Variants in SPECC1 observed in about 807,000 individuals in gnomAD.
SPECC1 encodes cytospin-B.
In SPECC1, 62 loss-of-function variants were observed where a neutral mutation model predicts 104.1. The observed-to-expected ratio is 0.60, with a 90% CI of 0.49 to 0.74. SPECC1 has a LOEUF of 0.74. SPECC1 is among the 30% of genes least tolerant of loss of function. The pLI is 0.00. For synonymous variants in SPECC1, 513 were observed against 501.6 expected, an observed-to-expected ratio of 1.02 and a Z score of -0.30; for missense variants, 1,306 against 1,310.5, an observed-to-expected ratio of 1.00 and a Z score of 0.05.
intron 1 of SPECC1, among the ~76,000 whole-genome samples, chr17:20,093,508 A>G (rs1224279933): frequency 6.6e-6 from 1 of 152,166 alleles, no homozygotes; most frequent in African/African-American, 2.4e-5. Flanking sequence ...CTCTCAGCTC[A>G]TGACAGCATT....
At chr17:20,041,481 A>T (rs1349345757) in intron 1 of SPECC1, among the ~76,000 whole-genome samples, 1 of 151,960 alleles carries the variant, frequency 6.6e-6, no homozygotes, top group Non-Finnish European at 1.5e-5. Context: ...ACCTCAGGTG[A>T]TCCGCCTGCC....
At chr17:20,014,618 T>C (rs564765896) in intron 1 of SPECC1, among the ~76,000 whole-genome samples, 4 of 152,238 alleles carry the variant, frequency 2.6e-5, no homozygotes, top group Non-Finnish European at 5.9e-5. Context: ...TTTGGAGATA[T>C]TGCTTTATCT....
At chr17:20,110,587 T>C in intron 3 of SPECC1, 25 bp downstream of exon 3, 1 of 1,598,558 alleles carries the variant, frequency 6.3e-7, no homozygotes, top group Non-Finnish European at 8.5e-7. Context: ...GCAGGTGGGC[T>C]CGGCAGGCCA....
intron 3 of SPECC1, among the ~76,000 whole-genome samples, chr17:20,136,004 A>T (rs1011206983): frequency 6.6e-6 from 1 of 152,158 alleles, no homozygotes; most frequent in Non-Finnish European, 1.5e-5. Flanking sequence ...GGGAGTGGAA[A>T]AATCACTGAG....
chr17:20,172,390 G>A (rs1277116893), intron 3 of SPECC1, among the ~76,000 whole-genome samples: 1 of 152,184 alleles, frequency 6.6e-6, no homozygotes, highest in Non-Finnish European at 1.5e-5. Flanking sequence ...GCCCCAATTT[G>A]GAAGATAAAA....
chr17:20,202,555 A>C (rs1324355054), intron 3 of SPECC1, among the ~76,000 whole-genome samples: 1 of 152,220 alleles, frequency 6.6e-6, no homozygotes, highest in Non-Finnish European at 1.5e-5. Flanking sequence ...TATGGTATTG[A>C]TAAATACAGT....
chr17:20,243,270 C>G (rs575613624), intron 7 of SPECC1, among the ~76,000 whole-genome samples: 8 of 152,246 alleles, frequency 5.3e-5, no homozygotes, highest in African/African-American at 1.7e-4. Flanking sequence ...TGCAGTTTTT[C>G]TTTTATTTAA....
At chr17:20,308,910 T>C (rs185931157) in intron 14 of SPECC1, among the ~76,000 whole-genome samples, 243 of 152,348 alleles carry the variant, frequency 1.6e-3, no homozygotes, top group Middle Eastern at 6.8e-3. Flanking sequence ...TACATTTTTC[T>C]TTGTAGTGTT....
intron 3 of SPECC1, among the ~76,000 whole-genome samples, chr17:20,120,322 G>T (rs2048966466): frequency 6.6e-6 from 1 of 152,084 alleles, no homozygotes; most frequent in South Asian, 2.1e-4. Context: ...GGAGGTGGAG[G>T]CTGCAGTGAG....
At chr17:20,239,219 T>C in intron 7 of SPECC1, 2 of 1,017,724 alleles carry the variant, frequency 2.0e-6, no homozygotes, top group Non-Finnish European at 2.4e-6. Context: ...GATGATTTAA[T>C]GTATTGGATT....
intron 1 of SPECC1, among the ~76,000 whole-genome samples, chr17:20,011,656 CTTAAT>C (rs2043948322): frequency 6.6e-6 from 1 of 151,790 alleles, no homozygotes; most frequent in African/African-American, 2.4e-5. Flanking sequence ...TATCTTTCTA[CTTAAT>C]TTGAGTTTAT....
intron 3 of SPECC1, among the ~76,000 whole-genome samples, chr17:20,145,263 G>A (rs1003467840): frequency 6.6e-5 from 10 of 152,086 alleles, no homozygotes; most frequent in African/African-American, 1.9e-4. Flanking sequence ...CCTGAACCTC[G>A]GTCTCTTGCT....
intron 4 of SPECC1, among the ~76,000 whole-genome samples, chr17:20,220,467 G>C (rs1004218275): frequency 6.6e-6 from 1 of 151,478 alleles, no homozygotes; most frequent in Non-Finnish European, 1.5e-5. Context: ...TCCTTTTTCA[G>C]ATTGTTCACT....
chr17:20,201,137 T>A (rs930007116), intron 3 of SPECC1, among the ~76,000 whole-genome samples: 33 of 151,950 alleles, frequency 2.2e-4, no homozygotes, highest in Non-Finnish European at 4.7e-4. Context: ...TTTTTCCAGC[T>A]TCAAAACCAA....
At chr17:20,217,273 G>T (rs1372825609) in intron 4 of SPECC1, among the ~76,000 whole-genome samples, 4 of 147,642 alleles carry the variant, frequency 2.7e-5, no homozygotes, top group Admixed American at 2.0e-4. Flanking sequence ...TTGTGTGTGT[G>T]TGTGTGTGTT....
At chr17:20,197,708 TTTTG>T (rs2036131024) in intron 3 of SPECC1, among the ~76,000 whole-genome samples, 1 of 152,188 alleles carries the variant, frequency 6.6e-6, no homozygotes, top group Non-Finnish European at 1.5e-5. Flanking sequence ...TCATCCACTT[TTTTG>T]TTTGTTTCAG....
chr17:20,119,820 G>A (rs2048941120), intron 3 of SPECC1, among the ~76,000 whole-genome samples: 1 of 152,156 alleles, frequency 6.6e-6, no homozygotes, highest in African/African-American at 2.4e-5. Flanking sequence ...TGCTGGTTGG[G>A]ATTACAGCAA....
chr17:20,273,242 G>A (rs1479084208), intron 12 of SPECC1, among the ~76,000 whole-genome samples: 1 of 152,148 alleles, frequency 6.6e-6, no homozygotes, highest in Non-Finnish European at 1.5e-5. Context: ...CCAGCACTTT[G>A]GGAGGCCGAG....
intron 3 of SPECC1, among the ~76,000 whole-genome samples, chr17:20,176,693 C>G (rs2034496493): frequency 6.6e-6 from 1 of 152,114 alleles, no homozygotes; most frequent in Admixed American, 6.6e-5. Flanking sequence ...CCCTTCTTCC[C>G]TCTTCAGAGT....
Sources: gnomAD v4.1 joint callset for allele counts (sites outside exome capture counted in the v4.1 genomes callset) on GRCh38, gnomAD v4.1.1 for gene constraint, MANE v1.5 for transcripts, NCBI Gene and HGNC (gene_info 2026-07-23, HGNC 2026-07-21) for gene names.